The following PAWR variants were observed in gnomAD, a reference collection of about 807,000 sequenced individuals.
PAWR encodes pro-apoptotic WT1 regulator, also known as PRKC apoptosis WT1 regulator protein.
In PAWR, 23 loss-of-function variants were observed where a neutral mutation model predicts 32.0. The ratio of observed to expected loss-of-function variants is 0.72; its 90% CI spans 0.52 to 1.02. The LOEUF is 1.02. Ranked by LOEUF, PAWR falls within the 50% of genes least tolerant of loss-of-function variation. The pLI is 0.00. For missense variants in PAWR, 457 were observed against 437.7 expected, an observed-to-expected ratio of 1.04 and a Z score of -0.39; for synonymous variants, 226 against 187.1, an observed-to-expected ratio of 1.21 and a Z score of -1.70.
intron 4 of PAWR, among the ~76,000 whole-genome samples, chr12:79,598,724 T>A (rs1873853294): frequency 6.6e-6 from 1 of 152,214 alleles, no homozygotes; most frequent in African/African-American, 2.4e-5. Context: ...GAACCCTTTA[T>A]AACCAGCTAA....
intron 3 of PAWR, among the ~76,000 whole-genome samples, chr12:79,620,348 AAC>A (rs1195251194): frequency 6.6e-6 from 1 of 152,212 alleles, no homozygotes; most frequent in East Asian, 1.9e-4. Context: ...AACGTGAGAA[AAC>A]ACAGTGGCTC....
At chr12:79,680,157 T>TAA (rs1457221408) in intron 2 of PAWR, among the ~76,000 whole-genome samples, 1 of 152,232 alleles carries the variant, frequency 6.6e-6, no homozygotes, top group Non-Finnish European at 1.5e-5. Flanking sequence ...AAGTTGAGAA[T>TAA]AACACTAATT....
In PAWR at chr12:79,588,691, T is replaced by A. The variant is rs188615649; in HGVS notation, c.*3916A>T. On this transcript the variant is annotated 3_prime_UTR_variant, in exon 7 of 7. Coordinates refer to ENST00000328827, the MANE Select transcript of PAWR (RefSeq NM_002583.4). ...ATTTATTTAAAGATTCTGTAACACCTGTAATAGTATTTAATACAGCTCCCA... is the reference window on the plus strand; with the variant it reads ...ATTTATTTAAAGATTCTGTAACACCAGTAATAGTATTTAATACAGCTCCCA... 1 of 152,008 alleles carries A rather than the reference T, an allele frequency of 6.6e-6. No homozygotes were observed. The allele number at this position is 152,008 out of a possible 1,614,324, so 9.4% of individuals were successfully genotyped here. A position where few individuals can be genotyped will look rare whatever the true frequency, so the allele number is the denominator to read the frequency against.
chr12:79,656,731 C>T (rs796664392), intron 2 of PAWR, among the ~76,000 whole-genome samples: 2 of 152,242 alleles, frequency 1.3e-5, no homozygotes, highest in African/African-American at 4.8e-5. Context: ...ACCAGATTTA[C>T]CACCATCCCT....
chr12:79,654,202 G>C (rs544188356), intron 2 of PAWR, among the ~76,000 whole-genome samples: 1 of 152,282 alleles, frequency 6.6e-6, no homozygotes, highest in Admixed American at 6.5e-5. Context: ...AATTTTAAAT[G>C]ACTGCATTTA....
chr12:79,604,966 A>G (rs1055226924), intron 4 of PAWR, among the ~76,000 whole-genome samples: 16 of 152,238 alleles, frequency 1.1e-4, no homozygotes, highest in Admixed American at 1.0e-3. Flanking sequence ...TCTTATGAAA[A>G]ATATATATCT....
chr12:79,660,976 G>A (rs143116892), intron 2 of PAWR, among the ~76,000 whole-genome samples: 150 of 151,314 alleles, frequency 9.9e-4, no homozygotes, highest in Admixed American at 2.2e-3. Context: ...CCTTAAGAGC[G>A]TACAATTTTG....
chr12:79,674,391 A>T (rs1169049155), intron 2 of PAWR, among the ~76,000 whole-genome samples: 5 of 149,794 alleles, frequency 3.3e-5, no homozygotes, highest in African/African-American at 1.3e-4. Context: ...CACCAGATAA[A>T]AAAAAAAAAA....
chr12:79,672,457 C>G (rs1212014566), intron 2 of PAWR, among the ~76,000 whole-genome samples: 3 of 152,060 alleles, frequency 2.0e-5, no homozygotes, highest in Non-Finnish European at 4.4e-5. Flanking sequence ...ATTCTCCTAC[C>G]TAGAACATTT....
At chr12:79,678,499 GA>G (rs1878279925) in intron 2 of PAWR, among the ~76,000 whole-genome samples, 1 of 152,202 alleles carries the variant, frequency 6.6e-6, no homozygotes, top group Admixed American at 6.5e-5. Context: ...AACAGATCTG[GA>G]GTCAAAGCCA....
chr12:79,614,245 G>A (rs1336147336), intron 3 of PAWR, among the ~76,000 whole-genome samples: 1 of 150,660 alleles, frequency 6.6e-6, no homozygotes, highest in African/African-American at 2.4e-5. Context: ...CCTGACCTCG[G>A]GTGATCCGTC....
At chr12:79,646,797 G>A (rs991993875) in intron 2 of PAWR, among the ~76,000 whole-genome samples, 1 of 152,200 alleles carries the variant, frequency 6.6e-6, no homozygotes, top group African/African-American at 2.4e-5. Flanking sequence ...CATTAAAAAT[G>A]TATATAGCTA....
At chr12:79,638,691 C>A (rs920534843) in intron 2 of PAWR, among the ~76,000 whole-genome samples, 1 of 150,732 alleles carries the variant, frequency 6.6e-6, no homozygotes, top group Non-Finnish European at 1.5e-5. Context: ...ATGGCTCCGA[C>A]TGGAGTACAG....
At chr12:79,675,057 G>A (rs1878094811) in intron 2 of PAWR, among the ~76,000 whole-genome samples, 1 of 152,032 alleles carries the variant, frequency 6.6e-6, no homozygotes, top group Admixed American at 6.6e-5. Context: ...TCCTTTTACT[G>A]GGTATATACC....
At chr12:79,655,972 G>A (rs1003777853) in intron 2 of PAWR, among the ~76,000 whole-genome samples, 1 of 152,168 alleles carries the variant, frequency 6.6e-6, no homozygotes, top group Admixed American at 6.5e-5. Context: ...AAAGATTTCC[G>A]GAGTGATATC....
intron 2 of PAWR, among the ~76,000 whole-genome samples, chr12:79,656,215 C>G (rs11837765): frequency 2.6e-5 from 4 of 152,172 alleles, no homozygotes; most frequent in African/African-American, 9.7e-5. Flanking sequence ...CTAAAGAAAA[C>G]AGAAAACTGT....
intron 3 of PAWR, among the ~76,000 whole-genome samples, chr12:79,620,633 T>C (rs1248111136): frequency 6.6e-6 from 1 of 151,690 alleles, no homozygotes; most frequent in Non-Finnish European, 1.5e-5. Flanking sequence ...CAGAAAAGGG[T>C]GATAGAGCTC....
intron 3 of PAWR, among the ~76,000 whole-genome samples, chr12:79,620,341 G>A (rs534485746): frequency 5.3e-5 from 8 of 152,274 alleles, no homozygotes; most frequent in African/African-American, 1.4e-4. Context: ...GCAGAGCAAC[G>A]TGAGAAAACA....
Position 79,588,836 on chromosome 12 carries a change from G to A in PAWR, c.*3771C>T, listed in dbSNP as rs1395862551. 6.6e-6 allele frequency: 1 copy of A among 151,940 alleles called. No individual in the cohort carries two copies. The highest frequency in any genetic ancestry group is 1.5e-5 in the Non-Finnish European group (1 of 67,870). The allele number at this position is 151,940 out of a possible 1,614,324, so 9.4% of individuals were successfully genotyped here. On this transcript the variant is annotated 3_prime_UTR_variant, in exon 7 of 7. Coordinates refer to ENST00000328827, the MANE Select transcript of PAWR (RefSeq NM_002583.4). Reference sequence around the variant, plus strand: ...AACAATATGGACTCAGATTTTCTTAGGAGATATTAGTTCAAGTTTTTAAAC... The same window carrying A: ...AACAATATGGACTCAGATTTTCTTAAGAGATATTAGTTCAAGTTTTTAAAC...
Sources: allele counts gnomAD v4.1 joint callset (sites outside exome capture counted in the v4.1 genomes callset), GRCh38; gene constraint gnomAD v4.1.1; transcripts MANE v1.5; gene names NCBI Gene and HGNC (gene_info 2026-07-23, HGNC 2026-07-21).